Variants in FHIT observed in about 807,000 individuals in gnomAD.
The protein encoded by FHIT is fragile histidine triad diadenosine triphosphatase.
FHIT carries 19 observed loss-of-function variants against 17.9 expected under a neutral mutation model. The observed-to-expected ratio is 1.06, with a 90% confidence interval of 0.74 to 1.56. FHIT has a LOEUF of 1.56. FHIT is among the 40% of genes most tolerant of loss of function. The probability of loss-of-function intolerance (pLI) is 0.00; values close to 1 mark genes in which losing one functional copy is unlikely to be tolerated. For synonymous variants in FHIT, 81 were observed against 69.7 expected (o/e 1.16, Z -0.81); for missense variants, 248 against 189.2 (o/e 1.31, Z -1.82).
chr3:60,383,493 G>A (rs1700890207), intron 5 of FHIT, among the ~76,000 whole-genome samples: 1 of 151,602 alleles, frequency 6.6e-6, no homozygotes. Flanking sequence ...TACAGAACAG[G>A]GATTCTGCTA....
chr3:60,223,917 G>A (rs979782556), intron 5 of FHIT, among the ~76,000 whole-genome samples: 4 of 152,084 alleles, frequency 2.6e-5, no homozygotes, highest in Non-Finnish European at 5.9e-5. Context: ...TTCTGTGCCC[G>A]TGCTGCGTCC....
intron 2 of FHIT, among the ~76,000 whole-genome samples, chr3:61,190,564 A>C (rs1032826074): frequency 2.0e-5 from 3 of 152,232 alleles, no homozygotes; most frequent in African/African-American, 7.2e-5. Context: ...CATTTGACCC[A>C]GCCATCTCAT....
At chr3:60,560,867 T>C (rs2036917792) in intron 4 of FHIT, among the ~76,000 whole-genome samples, 1 of 143,722 alleles carries the variant, frequency 7.0e-6, no homozygotes, top group Admixed American at 6.9e-5. Context: ...AGTGTGTGTG[T>C]GTGTGTCAAG....
intron 8 of FHIT, among the ~76,000 whole-genome samples, chr3:59,803,823 G>A (rs1700093517): frequency 6.6e-6 from 1 of 151,974 alleles, no homozygotes; most frequent in East Asian, 1.9e-4. Context: ...TCAAAGAAGG[G>A]ATAAAATAAA....
chr3:61,042,663 AC>A (rs530208761), intron 2 of FHIT, among the ~76,000 whole-genome samples: 93 of 151,934 alleles, frequency 6.1e-4, no homozygotes, highest in Non-Finnish European at 1.2e-3. Flanking sequence ...ACATGGTGAA[AC>A]CCTGTCTCTA....
rs1463435168 is a variant in FHIT, at chr3:61,021,794, C to A, written c.-111+20253G>T. On this transcript the variant is annotated intron_variant, in intron 3 of 9. Transcript: ENST00000492590. ...CAGAAATAAGTAAGTTTTTTGAAACCAATAAGAACAAAGACACAATGTACC... is the reference window on the plus strand; with the variant it reads ...CAGAAATAAGTAAGTTTTTTGAAACAAATAAGAACAAAGACACAATGTACC... Among the ~76,000 whole-genome samples, 4 of 151,904 alleles carry A rather than the reference C, an allele frequency of 2.6e-5. No homozygotes were observed. The South Asian group carries it at 8.3e-4, about 32-fold the overall frequency.
intron 3 of FHIT, among the ~76,000 whole-genome samples, chr3:60,996,938 C>G (rs1224139717): frequency 1.3e-5 from 2 of 152,210 alleles, no homozygotes; most frequent in Admixed American, 6.5e-5. Flanking sequence ...AAAATTTCAC[C>G]CTCATTTTGC....
At chr3:60,689,759 A>G (rs547673441) in intron 4 of FHIT, among the ~76,000 whole-genome samples, 1 of 152,278 alleles carries the variant, frequency 6.6e-6, no homozygotes, top group South Asian at 2.1e-4. Context: ...ATTTGTCACA[A>G]ATTTATTTCT....
At chr3:59,857,978 C>G (rs976090297) in intron 8 of FHIT, among the ~76,000 whole-genome samples, 2 of 152,060 alleles carry the variant, frequency 1.3e-5, no homozygotes, top group Non-Finnish European at 2.9e-5. Flanking sequence ...GCTTCCAGTT[C>G]CCCTAATTGG....
intron 4 of FHIT, among the ~76,000 whole-genome samples, chr3:60,564,896 A>T (rs563081178): frequency 6.6e-6 from 1 of 152,202 alleles, no homozygotes; most frequent in Admixed American, 6.6e-5. Context: ...CTCTAATTTT[A>T]AAATAAGTTC....
At chr3:60,323,086 G>A (rs966543546) in intron 5 of FHIT, among the ~76,000 whole-genome samples, 2 of 152,062 alleles carry the variant, frequency 1.3e-5, no homozygotes, top group East Asian at 1.9e-4. Context: ...CCAACTTCCT[G>A]CAAAAATCCT....
At chr3:60,185,998 T>C (rs1015414986) in intron 5 of FHIT, among the ~76,000 whole-genome samples, 7 of 152,188 alleles carry the variant, frequency 4.6e-5, no homozygotes, top group Non-Finnish European at 7.3e-5. Flanking sequence ...AATTAGCTTG[T>C]TTTGTTTTCT....
At chr3:60,024,936 C>A (rs1304669100) in intron 5 of FHIT, among the ~76,000 whole-genome samples, 1 of 152,164 alleles carries the variant, frequency 6.6e-6, no homozygotes, top group Non-Finnish European at 1.5e-5. Flanking sequence ...ATCTTTATTG[C>A]AGACTAGGTA....
At chr3:60,000,593 G>A (rs1699690816) in intron 7 of FHIT, among the ~76,000 whole-genome samples, 1 of 152,028 alleles carries the variant, frequency 6.6e-6, no homozygotes, top group Admixed American at 6.6e-5. Flanking sequence ...TAAATCAAGA[G>A]GGAGGGTAGG....
intron 5 of FHIT, among the ~76,000 whole-genome samples, chr3:60,413,365 A>G (rs1472070573): frequency 6.6e-6 from 1 of 152,142 alleles, no homozygotes; most frequent in Non-Finnish European, 1.5e-5. Flanking sequence ...GAGAAACACT[A>G]AGAAAAGAAA....
At chr3:60,662,239 G>C (rs1553691327) in intron 4 of FHIT, among the ~76,000 whole-genome samples, 1 of 152,172 alleles carries the variant, frequency 6.6e-6, no homozygotes, top group Non-Finnish European at 1.5e-5. Context: ...TGAGGATCCA[G>C]TTTCATTCTT....
At position 60,614,820 on chromosome 3, in the gene FHIT, GT is replaced by G. The variant is rs1191171215; in HGVS notation, c.-17-77842del. 4.4e-4 allele frequency among the ~76,000 whole-genome samples: 26 copies of G among 58,912 alleles called. 2 individuals are homozygous for G. The highest frequency in any genetic ancestry group is 3.2e-3 in the South Asian group (7 of 2,208). The allele number at this position is 58,912 out of a possible 152,430, so 38.6% of individuals were successfully genotyped here. A position where few individuals can be genotyped will look rare whatever the true frequency, so the allele number is the denominator to read the frequency against. On this transcript the variant is annotated intron_variant, in intron 4 of 9. Coordinates refer to ENST00000492590, the MANE Select transcript of FHIT (RefSeq NM_002012.4). ...AAATTGCAAAAGTTGTTTTTTTTTTGTTTTTTTTTTGTTTTTTTTTTGTTTT... is the reference window on the plus strand; with the variant it reads ...AAATTGCAAAAGTTGTTTTTTTTTTGTTTTTTTTTGTTTTTTTTTTGTTTT...
intron 7 of FHIT, among the ~76,000 whole-genome samples, chr3:59,982,182 TGAGA>T (rs759859204): frequency 6.6e-6 from 1 of 152,118 alleles, no homozygotes; most frequent in Non-Finnish European, 1.5e-5. Context: ...CTTGTGAAGA[TGAGA>T]GTGAGGAAGA....
At chr3:61,187,180 A>C (rs1162617964) in intron 2 of FHIT, among the ~76,000 whole-genome samples, 1 of 152,196 alleles carries the variant, frequency 6.6e-6, no homozygotes, top group African/African-American at 2.4e-5. Context: ...ATGATTGAGC[A>C]CTTGAAATCT....
Sources: gnomAD v4.1 joint callset for allele counts (sites outside exome capture counted in the v4.1 genomes callset) on GRCh38, gnomAD v4.1.1 for gene constraint, MANE v1.5 for transcripts, NCBI Gene and HGNC (gene_info 2026-07-23, HGNC 2026-07-21) for gene names.